EPS15L1: variants seen among roughly 807,000 people sequenced by gnomAD.
EPS15L1 encodes epidermal growth factor receptor pathway substrate 15 like 1.
Under a neutral mutation model 117.1 loss-of-function variants are expected in EPS15L1, and 43 were observed. The observed-to-expected ratio is 0.37, with a 90% CI of 0.29 to 0.47. The LOEUF (loss-of-function observed/expected upper bound fraction) is 0.47, where lower values mean the gene tolerates loss of function less well. Ranked by LOEUF, EPS15L1 falls within the 20% of genes least tolerant of loss-of-function variation. The pLI, the probability that EPS15L1 is intolerant of heterozygous loss-of-function variation, is 0.99. For missense variants in EPS15L1, 981 were observed against 1,164.0 expected, an observed-to-expected ratio of 0.84 and a Z score of 2.29; for synonymous variants, 459 against 470.5, an observed-to-expected ratio of 0.98 and a Z score of 0.32.
chr19:16,415,370 T>C (rs1355462881), intron 12 of EPS15L1, among the ~76,000 whole-genome samples: 2 of 152,316 alleles, frequency 1.3e-5, no homozygotes, highest in East Asian at 1.9e-4. Context: ...CCTCCTCTTG[T>C]GCCCAAAGAG....
chr19:16,372,178 T>C (rs934309621), intron 22 of EPS15L1, among the ~76,000 whole-genome samples: 3 of 152,188 alleles, frequency 2.0e-5, no homozygotes, highest in Non-Finnish European at 4.4e-5. Context: ...TGAGGGCAGA[T>C]GGCCAACTGT....
chr19:16,430,490 C>T (rs2092916664), intron 7 of EPS15L1, among the ~76,000 whole-genome samples: 1 of 152,236 alleles, frequency 6.6e-6, no homozygotes, highest in Non-Finnish European at 1.5e-5. Flanking sequence ...GGGTGTGAGA[C>T]ACAGTCCTTA....
chr19:16,429,209 G>A (rs1256501375), intron 7 of EPS15L1, among the ~76,000 whole-genome samples: 3 of 152,042 alleles, frequency 2.0e-5, no homozygotes, highest in Non-Finnish European at 2.9e-5. Flanking sequence ...TGTGGGTCTC[G>A]TCTCCACTCC....
At chr19:16,419,661 G>C (rs774909400) in intron 10 of EPS15L1, among the ~76,000 whole-genome samples, 1 of 152,208 alleles carries the variant, frequency 6.6e-6, no homozygotes, top group Non-Finnish European at 1.5e-5. Flanking sequence ...AGAGAGCTGG[G>C]ACCGTTCTAA....
intron 16 of EPS15L1, 67 bp from the exon 17 acceptor site, chr19:16,395,534 CCA>C: frequency 6.7e-7 from 1 of 1,483,942 alleles, no homozygotes; most frequent in Non-Finnish European, 9.4e-7. Flanking sequence ...GTACGGAATT[CCA>C]TACTTAACTC....
intron 23 of EPS15L1, 84 bp downstream of exon 23, chr19:16,361,695 T>C: frequency 1.3e-6 from 2 of 1,489,072 alleles, no homozygotes; most frequent in Non-Finnish European, 1.8e-6. Flanking sequence ...GCTGGGAGGT[T>C]TGCCTTTAAA....
intron 1 of EPS15L1, among the ~76,000 whole-genome samples, chr19:16,461,304 T>C (rs1438864270): frequency 8.8e-6 from 1 of 113,312 alleles, no homozygotes; most frequent in African/African-American, 3.5e-5. Context: ...ACTCCGTCTC[T>C]TAAAAAAAAA....
Position 16,463,973 on chromosome 19 carries a change from C to T in EPS15L1, c.33+7940G>A, listed in dbSNP as rs576635312. 6.6e-5 allele frequency among the ~76,000 whole-genome samples: 10 copies of T among 152,298 alleles called. No homozygotes were observed. In the East Asian group the frequency reaches 1.9e-3, roughly 29 times the overall value. ...CCTGCGCAGATGACAGAAAGAGGGG[C>T]CAGGGGGCCACAGAGCAGAGGGAAT... On this transcript the variant is annotated intron_variant, in intron 1 of 23. Transcript: ENST00000455140.
rs1409392819 is a variant in EPS15L1, at chr19:16,383,474, G to C, written c.2247+1655C>G. ...GTGTGGCCAACGTTTTCTGCTTTCG[G>C]GAGATGGTTTCCCGCCTGCCCAGGA... On this transcript the variant is annotated intron_variant, in intron 21 of 23. Transcript: ENST00000455140. This position sits in a 1 kb window ranked among gnomAD's most constrained non-coding sequence, Gnocchi z 5.2. The C allele has an allele frequency of 2.0e-5, 3 of 152,230 alleles. No homozygotes were observed. In the East Asian group the frequency reaches 5.8e-4, roughly 29 times the overall value. The allele number at this position is 152,230 out of a possible 1,614,324, so 9.4% of individuals were successfully genotyped here.
At position 16,417,929 on chromosome 19, in the gene EPS15L1, C is replaced by A. The variant is rs752421772; in HGVS notation, c.1107+19G>T. On this transcript the variant is annotated intron_variant, in intron 11 of 23. Transcript: ENST00000455140. The stretch of plus-strand genomic sequence containing the variant: ...GGAAGGGATGTCAATACCCCCAGGG[C>A]ATGACCAGCACCACTCACCGGGCCG... 113 of 1,607,418 alleles carry A rather than the reference C, an allele frequency of 7.0e-5. No homozygotes were observed. The highest frequency in any genetic ancestry group is 1.7e-5 in the Admixed American group (1 of 59,272).
At chr19:16,390,961 C>T (rs1048228833) in intron 19 of EPS15L1, among the ~76,000 whole-genome samples, 4 of 152,100 alleles carry the variant, frequency 2.6e-5, no homozygotes, top group Admixed American at 6.6e-5. Context: ...TGAAAATGTA[C>T]GTAATATCCC....
chr19:16,428,682 G>T lies in EPS15L1; in HGVS notation c.558+20C>A. The T allele has an allele frequency of 6.2e-7, 1 of 1,606,552 alleles. No homozygotes were observed. Among genetic ancestry groups the T allele is most frequent in the Non-Finnish European group, 8.5e-7 (1 of 1,175,450 alleles). ...ACATTTCCTTCCTGGGCTGGGTGGG[G>T]AGGAAACAGCAGGACTTACCACAGC... On this transcript the variant is annotated intron_variant, in intron 8 of 23. Transcript: ENST00000455140.
At chr19:16,453,047 G>A (rs540061838) in intron 1 of EPS15L1, among the ~76,000 whole-genome samples, 35 of 151,936 alleles carry the variant, frequency 2.3e-4, no homozygotes, top group Admixed American at 1.2e-3. Flanking sequence ...TGATCTGCCC[G>A]CCTCGGTCTC....
At chr19:16,391,144 A>G (rs1032024737) in intron 19 of EPS15L1, among the ~76,000 whole-genome samples, 4 of 152,214 alleles carry the variant, frequency 2.6e-5, no homozygotes, top group Non-Finnish European at 5.9e-5. Context: ...TCTAAAATTA[A>G]TGAATGAAGC....
chr19:16,417,927 G>C, intron 11 of EPS15L1, 21 bp downstream of exon 11: 1 of 1,607,332 alleles, frequency 6.2e-7, no homozygotes, highest in Non-Finnish European at 8.5e-7. Flanking sequence ...ATACCCCCAG[G>C]GCATGACCAG....
intron 16 of EPS15L1, among the ~76,000 whole-genome samples, chr19:16,396,798 T>C (rs1346159908): frequency 1.3e-5 from 2 of 152,144 alleles, no homozygotes; most frequent in Admixed American, 6.5e-5. Flanking sequence ...TTCTGACACA[T>C]GCTCCAACAT....
At position 16,395,282 on chromosome 19, in the gene EPS15L1, A is replaced by C. The variant is rs185088248; in HGVS notation, c.1915+62T>G. The C allele has an allele frequency of 2.3e-4, 355 of 1,516,642 alleles. 1 individual carries two copies. The Middle Eastern group carries it at 3.2e-3, about 13-fold the overall frequency. 93.9% of individuals were successfully genotyped at this position (1,516,642 alleles called of 1,614,324 possible). A position where few individuals can be genotyped will look rare whatever the true frequency, so the allele number is the denominator to read the frequency against. On this transcript the variant is annotated intron_variant, in intron 17 of 23. Coordinates refer to ENST00000455140, the MANE Select transcript of EPS15L1 (RefSeq NM_001258374.3). ...TCCTTACTTTTCTAGTTGAAGAACCACTCTAAATTCGACATAAAACACACA... is the reference window on the plus strand; with the variant it reads ...TCCTTACTTTTCTAGTTGAAGAACCCCTCTAAATTCGACATAAAACACACA...
chr19:16,403,075 TG>T (rs2092618835), intron 15 of EPS15L1, among the ~76,000 whole-genome samples: 1 of 152,158 alleles, frequency 6.6e-6, no homozygotes, highest in African/African-American at 2.4e-5. Flanking sequence ...CCAGTTCAAT[TG>T]GTAAAAGAAG....
At position 16,471,840 on chromosome 19, in the gene EPS15L1, G is replaced by C. The variant is rs1038576876; in HGVS notation, c.33+73C>G. ...CCGCCGCCTGGCTGAGTCTCCCAGC[G>C]CCTCAGCCTCGCCGCACCGCTCGCC... is the stretch of plus-strand genomic sequence containing the variant. On this transcript the variant is annotated intron_variant, in intron 1 of 23. Coordinates refer to ENST00000455140, the MANE Select transcript of EPS15L1 (RefSeq NM_001258374.3). The surrounding 1 kb of genome is among the most constrained non-coding windows in gnomAD (Gnocchi z 4.8). 1.4e-5 allele frequency: 13 copies of C among 896,848 alleles called. No homozygotes were observed. Among genetic ancestry groups the C allele is most frequent in the Non-Finnish European group, 1.8e-5 (12 of 679,390 alleles). 55.6% of individuals were successfully genotyped at this position (896,848 alleles called of 1,614,324 possible). A position where few individuals can be genotyped will look rare whatever the true frequency, so the allele number is the denominator to read the frequency against.
Sources: gnomAD v4.1 joint callset for allele counts (sites outside exome capture counted in the v4.1 genomes callset) on GRCh38, gnomAD v4.1.1 for gene constraint, Gnocchi (gnomAD v3.1) non-coding constraint, MANE v1.5 for transcripts, NCBI Gene and HGNC (gene_info 2026-07-23, HGNC 2026-07-21) for gene names.